ELK1: variants seen among roughly 807,000 people sequenced by gnomAD.
ELK1 encodes ETS domain-containing protein Elk-1.
For synonymous variants in ELK1, 163 were observed against 176.3 expected, an observed-to-expected ratio of 0.92 and a Z score of 0.60; for missense variants, 254 against 381.5, an observed-to-expected ratio of 0.67 and a Z score of 2.78.
chrX:47,636,733 G>C lies in ELK1; in HGVS notation c.*96C>G. On this transcript the variant is annotated 3_prime_UTR_variant, in exon 7 of 7. Coordinates refer to ENST00000376983, the MANE Select transcript of ELK1 (RefSeq NM_001114123.3). ...CCACCCCACCACAATCAGAGCATGAGTCTTTCAGTTGAACTATGTTTCTCC... is the reference window on the plus strand; with the variant it reads ...CCACCCCACCACAATCAGAGCATGACTCTTTCAGTTGAACTATGTTTCTCC... 1 of 847,969 alleles carries C rather than the reference G, an allele frequency of 1.2e-6. No individual in the cohort carries two copies. The highest frequency in any genetic ancestry group is 1.6e-6 in the Non-Finnish European group (1 of 613,287). The allele number at this position is 847,969 out of a possible 1,213,427, so 69.9% of individuals were successfully genotyped here. A position where few individuals can be genotyped will look rare whatever the true frequency, so the allele number is the denominator to read the frequency against.
chrX:47,646,878 G>A (rs1377439627), intron 2 of ELK1, among the ~76,000 whole-genome samples: 1 of 111,294 alleles, frequency 9.0e-6, no homozygotes, highest in Non-Finnish European at 1.9e-5. Flanking sequence ...CAGCCACACT[G>A]GCCGCCTTGA....
At chrX:47,650,589 C>T (rs1010429578), upstream of ELK1, 1 of 275,062 alleles carries the variant, frequency 3.6e-6, no homozygotes, top group African/African-American at 2.9e-5. Context: ...TTCCCTACAG[C>T]TCACGTGGGC....
intron 4 of ELK1, 91 bp downstream of exon 4, chrX:47,638,804 C>G: frequency 9.7e-7 from 1 of 1,028,358 alleles, no homozygotes; most frequent in East Asian, 3.3e-5. Flanking sequence ...ACAGCTATGT[C>G]TCTTCTACCA....
chrX:47,642,004 A>C (rs2058030263), intron 2 of ELK1, among the ~76,000 whole-genome samples: 1 of 112,076 alleles, frequency 8.9e-6, no homozygotes, highest in Non-Finnish European at 1.9e-5. Context: ...AGAGGGACTC[A>C]ACCTGCCATT....
chrX:47,644,292 A>C (rs1246534587), intron 2 of ELK1, among the ~76,000 whole-genome samples: 1 of 111,603 alleles, frequency 9.0e-6, no homozygotes. Flanking sequence ...TTGACCCCTC[A>C]TAAGAGTTCT....
chrX:47,640,607 T>C (rs1381250727), intron 3 of ELK1, among the ~76,000 whole-genome samples: 1 of 111,315 alleles, frequency 9.0e-6, no homozygotes, highest in Non-Finnish European at 1.9e-5. Flanking sequence ...TTGATATAAA[T>C]ATTGGGGTAG....
At chrX:47,641,796 T>C (rs1268007005) in intron 2 of ELK1, among the ~76,000 whole-genome samples, 2 of 112,579 alleles carry the variant, frequency 1.8e-5, no homozygotes, top group Non-Finnish European at 3.7e-5. Context: ...CCTCGGAACC[T>C]GTATGTTATT....
Position 47,635,626 on chromosome X carries a change from G to A in ELK1, c.*1203C>T, listed in dbSNP as rs2058004807. 1 of 111,525 alleles carries A rather than the reference G, an allele frequency of 9.0e-6. No homozygotes were observed. The highest frequency in any genetic ancestry group is 3.8e-4 in the South Asian group (1 of 2,660). The allele number at this position is 111,525 out of a possible 1,213,427, so 9.2% of individuals were successfully genotyped here. A position where few individuals can be genotyped will look rare whatever the true frequency, so the allele number is the denominator to read the frequency against. On this transcript the variant is annotated 3_prime_UTR_variant, in exon 7 of 7. Coordinates refer to ENST00000376983, the MANE Select transcript of ELK1 (RefSeq NM_001114123.3). ...GAAGTAAAACAAACAGTGGAGACGA[G>A]TGTAGCACTGTCCCCCAAATCACCA...
rs987249840 is a variant in ELK1, at chrX:47,636,222, G to A, written c.*607C>T. On this transcript the variant is annotated 3_prime_UTR_variant, in exon 7 of 7. Transcript: ENST00000376983. ...TGGTTGAAAAGGATAAGCTGTCTGA[G>A]AGAAAGGTTGGGGAGGTGGAAATTT... The A allele has an allele frequency of 8.9e-6, 1 of 112,320 alleles. No homozygotes were observed. Among genetic ancestry groups the A allele is most frequent in the African/African-American group, 3.3e-5 (1 of 30,701 alleles). The allele number at this position is 112,320 out of a possible 1,213,427, so 9.3% of individuals were successfully genotyped here.
At chrX:47,640,609 T>C (rs1301079584) in intron 3 of ELK1, among the ~76,000 whole-genome samples, 1 of 111,442 alleles carries the variant, frequency 9.0e-6, no homozygotes, top group African/African-American at 3.3e-5. Context: ...GATATAAATA[T>C]TGGGGTAGAC....
chrX:47,649,475 T>A (rs1419933426), intron 2 of ELK1: 2 of 110,290 alleles, frequency 1.8e-5, no homozygotes, highest in Non-Finnish European at 3.8e-5. Context: ...TGTGCAAGCA[T>A]ACAGGGGTGT....
intron 1 of ELK1, 83 bp from the exon 2 acceptor site, chrX:47,650,109 T>C (rs868111072): frequency 1.4e-4 from 1 of 6,970 alleles, no homozygotes; most frequent in Non-Finnish European, 2.8e-4. Context: ...TAAGTGGGGG[T>C]GGGTGGGGGG....
intron 3 of ELK1, 70 bp from the exon 4 acceptor site, chrX:47,639,408 G>A (rs2058021468): frequency 2.2e-6 from 2 of 899,036 alleles, no homozygotes; most frequent in East Asian, 6.8e-5. Flanking sequence ...TGTCAGGGGG[G>A]AGGAGGGGGG....
At chrX:47,637,726 A>C (rs1603089670) in intron 5 of ELK1, 25 bp downstream of exon 5, 1 of 1,162,201 alleles carries the variant, frequency 8.6e-7, no homozygotes, top group Non-Finnish European at 1.2e-6. Context: ...GCGCCCACAC[A>C]CCCCACCCCT....
Position 47,639,096 on chromosome X carries a change from G to A in ELK1, c.453C>T (p.Asn151=), listed in dbSNP as rs948065076. Residue 151 remains asparagine (N), a synonymous_variant, in exon 4 of 7, where the codon AAC becomes AAT. Transcript: ENST00000376983. The part of the protein sequence containing the change: ...GPGGLARSSR[N]EYMRSGLYST... ...AATAGAGGCCCGAGCGCATGTACTCGTTCCGGCTGCTGCGTGCCAAACCGC... is the reference window on the plus strand; with the variant it reads ...AATAGAGGCCCGAGCGCATGTACTCATTCCGGCTGCTGCGTGCCAAACCGC... 6.7e-6 allele frequency: 8 copies of A among 1,199,410 alleles called. No individual in the cohort carries two copies. The African/African-American group carries it at 8.7e-5, about 13-fold the overall frequency.
chrX:47,649,834 G>T (rs1223235935), intron 2 of ELK1, 87 bp downstream of exon 2: 1 of 36,556 alleles, frequency 2.7e-5, no homozygotes, highest in African/African-American at 1.7e-4. Flanking sequence ...TGGTGGTGGT[G>T]GGGGGGGGGG....
chrX:47,637,898 G>A lies in ELK1; in HGVS notation c.939C>T (p.Gly313=). 1 of 1,205,299 alleles carries A rather than the reference G, an allele frequency of 8.3e-7. No homozygotes were observed. Among genetic ancestry groups the A allele is most frequent in the Non-Finnish European group, 1.1e-6 (1 of 892,898 alleles). Residue 313 remains glycine (G), a synonymous_variant, in exon 5 of 7, where the codon GGC becomes GGT. Transcript: ENST00000376983. ...SSPEISQPQK[G]RKPRDLELPL... ...GAAGCTCTAGGTCCCGGGGCTTCCG[G>A]CCCTTCTGCGGCTGGGAGATCTCAG...
At chrX:47,647,971 T>C (rs1203005256) in intron 2 of ELK1, among the ~76,000 whole-genome samples, 2 of 112,505 alleles carry the variant, frequency 1.8e-5, no homozygotes, top group East Asian at 2.8e-4. Flanking sequence ...TTCTTTTTTA[T>C]ACATGTGCCT....
intron 3 of ELK1, 110 bp downstream of exon 3, chrX:47,641,122 G>T: frequency 1.1e-6 from 1 of 946,274 alleles, no homozygotes; most frequent in Non-Finnish European, 1.5e-6. Context: ...GTTAAAAACT[G>T]ATAAATTTTA....
Sources: allele counts gnomAD v4.1 joint callset (sites outside exome capture counted in the v4.1 genomes callset), GRCh38; gene constraint gnomAD v4.1.1; transcripts MANE v1.5; gene names NCBI Gene and HGNC (gene_info 2026-07-23, HGNC 2026-07-21).